The following FAM228B variants were observed in gnomAD, a reference collection of about 807,000 sequenced individuals.
FAM228B encodes the protein protein FAM228B.
A neutral mutation model predicts 42.6 loss-of-function variants in FAM228B; 38 were observed. The observed-to-expected ratio is 0.89, with a 90% confidence interval of 0.69 to 1.17. The LOEUF (loss-of-function observed/expected upper bound fraction) is 1.17, where lower values mean the gene tolerates loss of function less well. Among genes scored for constraint, FAM228B ranks in the 50% most tolerant of loss-of-function variants. FAM228B has a pLI of 0.00. For synonymous variants in FAM228B, 109 were observed against 122.3 expected (o/e 0.89, Z 0.72); for missense variants, 344 against 367.3 (o/e 0.94, Z 0.52).
At chr2:24,155,439 C>G (rs1667111980) in intron 7 of FAM228B, among the ~76,000 whole-genome samples, 1 of 145,636 alleles carries the variant, frequency 6.9e-6, no homozygotes, top group Non-Finnish European at 1.5e-5. Flanking sequence ...TTCTATGAGC[C>G]CTTTTACTGA....
chr2:24,093,584 C>G (rs1665434341), intron 2 of FAM228B, among the ~76,000 whole-genome samples: 1 of 150,726 alleles, frequency 6.6e-6, no homozygotes, highest in South Asian at 2.1e-4. Flanking sequence ...GGTGTCTTTG[C>G]TATTGTAAAC....
chr2:24,082,063 T>G (rs1331650291), intron 2 of FAM228B, among the ~76,000 whole-genome samples: 1 of 152,160 alleles, frequency 6.6e-6, no homozygotes, highest in Non-Finnish European at 1.5e-5. Flanking sequence ...GGCATGATCA[T>G]GGCTCACTGC....
chr2:24,099,017 A>G (rs1665556685), intron 3 of FAM228B, among the ~76,000 whole-genome samples: 1 of 152,248 alleles, frequency 6.6e-6, no homozygotes, highest in Non-Finnish European at 1.5e-5. Context: ...CATAAAGAGA[A>G]CCAATGACAA....
chr2:24,131,352 T>C (rs1475579767), intron 2 of FAM228B, among the ~76,000 whole-genome samples: 2 of 152,208 alleles, frequency 1.3e-5, no homozygotes, highest in Non-Finnish European at 2.9e-5. Context: ...TAGTTTTCTC[T>C]AATTCTATGA....
intron 10 of FAM228B, among the ~76,000 whole-genome samples, chr2:24,168,834 G>A (rs915341055): frequency 6.6e-6 from 1 of 152,138 alleles, no homozygotes; most frequent in Non-Finnish European, 1.5e-5. Context: ...TCTATCCATT[G>A]TATGAAGAGG....
At chr2:24,164,102 T>A in intron 8 of FAM228B, 96 bp from the exon 9 acceptor site, 1 of 1,142,310 alleles carries the variant, frequency 8.8e-7, no homozygotes, top group Non-Finnish European at 1.2e-6. Flanking sequence ...CAAATTCACA[T>A]AGAACTCATC....
intron 2 of FAM228B, among the ~76,000 whole-genome samples, chr2:24,090,595 G>A (rs1322268483): frequency 6.8e-6 from 1 of 147,886 alleles, no homozygotes; most frequent in Non-Finnish European, 1.5e-5. Context: ...AGGAAATGGA[G>A]TTCAGCAACT....
At chr2:24,147,351 T>C (rs1666921236) in intron 7 of FAM228B, among the ~76,000 whole-genome samples, 4 of 152,098 alleles carry the variant, frequency 2.6e-5, no homozygotes, top group Admixed American at 2.0e-4. Flanking sequence ...TTATGATCTG[T>C]TTATATTTGT....
intron 5 of FAM228B, among the ~76,000 whole-genome samples, chr2:24,144,258 A>AG (rs1666836816): frequency 6.6e-6 from 1 of 152,032 alleles, no homozygotes; most frequent in Non-Finnish European, 1.5e-5. Context: ...TGGGCAACAT[A>AG]GGGAGACCTG....
At chr2:24,111,092 G>T (rs530193729) in intron 3 of FAM228B, among the ~76,000 whole-genome samples, 1 of 151,050 alleles carries the variant, frequency 6.6e-6, no homozygotes, top group Non-Finnish European at 1.5e-5. Flanking sequence ...ACAGAGTCTC[G>T]CCGTGTCACC....
chr2:24,087,238 T>A (rs1389190088), intron 2 of FAM228B: 1 of 152,072 alleles, frequency 6.6e-6, no homozygotes, highest in Non-Finnish European at 1.5e-5. Context: ...TGAATAAACA[T>A]CTCTTTCTTT....
chr2:24,090,315 C>T (rs1451837155), intron 2 of FAM228B, among the ~76,000 whole-genome samples: 1 of 151,882 alleles, frequency 6.6e-6, no homozygotes, highest in East Asian at 1.9e-4. Context: ...GGCACGGTGG[C>T]TCAACCCTGT....
At chr2:24,142,679 A>C (rs1666783236) in intron 5 of FAM228B, 1 of 152,216 alleles carries the variant, frequency 6.6e-6, no homozygotes, top group South Asian at 2.1e-4. Flanking sequence ...TATTTTCTGG[A>C]AAATGAATGA....
At chr2:24,120,140 G>A (rs1473648418), upstream of FAM228B, among the ~76,000 whole-genome samples, 1 of 152,042 alleles carries the variant, frequency 6.6e-6, no homozygotes, top group African/African-American at 2.4e-5. Flanking sequence ...GTGGTGGCAG[G>A]CGCCTGTAAC....
chr2:24,154,933 A>C (rs1417652344), intron 7 of FAM228B, among the ~76,000 whole-genome samples: 3 of 152,224 alleles, frequency 2.0e-5, no homozygotes, highest in African/African-American at 7.2e-5. Context: ...CACAAATGGC[A>C]TTGTGAATGT....
chr2:24,128,833 A>G (rs1387849418), intron 2 of FAM228B, among the ~76,000 whole-genome samples: 1 of 152,092 alleles, frequency 6.6e-6, no homozygotes, highest in Non-Finnish European at 1.5e-5. Context: ...ACAGGACCAC[A>G]GCAGTATCTA....
chr2:24,125,762 C>T (rs1666295507), intron 2 of FAM228B, among the ~76,000 whole-genome samples: 1 of 152,036 alleles, frequency 6.6e-6, no homozygotes, highest in Non-Finnish European at 1.5e-5. Context: ...GGGGTTTCAC[C>T]ATGTTGGCCA....
intron 8 of FAM228B, among the ~76,000 whole-genome samples, chr2:24,163,139 T>C (rs1160898561): frequency 1.3e-5 from 2 of 152,184 alleles, no homozygotes; most frequent in Non-Finnish European, 2.9e-5. Context: ...AAAAGTGAGC[T>C]TTTATGACTT....
chr2:24,118,417 C>T (rs1665990468), intron 3 of FAM228B, among the ~76,000 whole-genome samples: 1 of 152,242 alleles, frequency 6.6e-6, no homozygotes, highest in Non-Finnish European at 1.5e-5. Context: ...TTCCCTGACT[C>T]TGCTAGGCCG....
Sources: allele counts gnomAD v4.1 joint callset (sites outside exome capture counted in the v4.1 genomes callset), GRCh38; gene constraint gnomAD v4.1.1; transcripts MANE v1.5; gene names NCBI Gene and HGNC (gene_info 2026-07-23, HGNC 2026-07-21).